The following AGBL4 variants were observed in gnomAD, a reference collection of about 807,000 sequenced individuals.
AGBL4 encodes the protein AGBL carboxypeptidase 4, also known as cytosolic carboxypeptidase 6.
A neutral mutation model predicts 66.4 loss-of-function variants in AGBL4; 58 were observed. The ratio of observed to expected loss-of-function variants is 0.87; its 90% CI spans 0.71 to 1.09. AGBL4 has a LOEUF of 1.09. Ranked by LOEUF, AGBL4 falls within the 50% of genes least tolerant of loss-of-function variation. The probability of loss-of-function intolerance (pLI) is 0.00; values close to 1 mark genes in which losing one functional copy is unlikely to be tolerated. For synonymous variants in AGBL4, 234 were observed against 222.9 expected, an observed-to-expected ratio of 1.05 and a Z score of -0.44; for missense variants, 579 against 631.0, an observed-to-expected ratio of 0.92 and a Z score of 0.88.
intron 1 of AGBL4, among the ~76,000 whole-genome samples, chr1:49,964,202 A>G (rs34584903): frequency 0.32 from 48,811 of 151,948 alleles, 8,550 homozygotes; most frequent in East Asian, 0.73. Context: ...TCTACATATA[A>G]TGTAATGGTG....
chr1:48,714,140 A>G (rs1317876293), intron 6 of AGBL4, among the ~76,000 whole-genome samples: 1 of 152,162 alleles, frequency 6.6e-6, no homozygotes, highest in African/African-American at 2.4e-5. Context: ...CCCTCACTTC[A>G]TAGGCCATCA....
chr1:48,899,093 C>T lies in AGBL4; in HGVS notation c.595-31863G>A, dbSNP rs148993819. 8.5e-4 allele frequency among the ~76,000 whole-genome samples: 130 copies of T among 152,370 alleles called. 2 individuals are homozygous for T. In the South Asian group the frequency reaches 0.018, roughly 21 times the overall value. On this transcript the variant is annotated intron_variant, in intron 5 of 13. Coordinates refer to ENST00000371839, the MANE Select transcript of AGBL4 (RefSeq NM_032785.4). ...TGAGGCGCTCGGCTCAGCCTCCCTG[C>T]AGGCTGGCCTTCCGCACCGTCGTGA... is the stretch of plus-strand genomic sequence containing the variant.
At chr1:49,350,806 CT>C (rs1193579135) in intron 3 of AGBL4, among the ~76,000 whole-genome samples, 2 of 151,944 alleles carry the variant, frequency 1.3e-5, no homozygotes, top group African/African-American at 4.8e-5. Flanking sequence ...ATTCTTATAC[CT>C]TTGTGTTCTC....
At chr1:49,343,653 C>A (rs1044381392) in intron 3 of AGBL4, among the ~76,000 whole-genome samples, 2 of 152,132 alleles carry the variant, frequency 1.3e-5, no homozygotes, top group East Asian at 3.9e-4. Context: ...CCATAGCATT[C>A]CCCTCTTTTT....
intron 10 of AGBL4, among the ~76,000 whole-genome samples, chr1:48,588,358 T>A (rs1032713592): frequency 6.6e-6 from 1 of 152,222 alleles, no homozygotes; most frequent in African/African-American, 2.4e-5. Flanking sequence ...AAAGACATGC[T>A]CTACTACCCA....
intron 3 of AGBL4, among the ~76,000 whole-genome samples, chr1:49,561,413 C>T (rs951641624): frequency 2.0e-5 from 3 of 151,402 alleles, no homozygotes; most frequent in Non-Finnish European, 4.4e-5. Flanking sequence ...CCCATTGACT[C>T]GTCATTTAGC....
chr1:49,220,702 G>C (rs535366105), intron 4 of AGBL4, among the ~76,000 whole-genome samples: 11 of 152,190 alleles, frequency 7.2e-5, no homozygotes, highest in Admixed American at 3.3e-4. Flanking sequence ...AGTTCTCAGA[G>C]AGACCAGTTT....
At chr1:49,891,453 A>G (rs1197597397) in intron 1 of AGBL4, among the ~76,000 whole-genome samples, 3 of 152,172 alleles carry the variant, frequency 2.0e-5, no homozygotes, top group Non-Finnish European at 4.4e-5. Context: ...TGCTAGTGGC[A>G]TCTAGATGGT....
chr1:49,897,204 GA>G (rs1649310620), intron 1 of AGBL4, among the ~76,000 whole-genome samples: 1 of 151,816 alleles, frequency 6.6e-6, no homozygotes, highest in Admixed American at 6.6e-5. Flanking sequence ...ACTTGCACTT[GA>G]AAAAACCTAA....
intron 1 of AGBL4, among the ~76,000 whole-genome samples, chr1:50,018,397 G>A (rs1218560907): frequency 6.6e-6 from 1 of 152,086 alleles, no homozygotes; most frequent in Non-Finnish European, 1.5e-5. Context: ...TATCAATGAA[G>A]TACTGCAAGC....
chr1:49,276,336 A>G (rs1402989524), intron 3 of AGBL4, among the ~76,000 whole-genome samples: 1 of 152,154 alleles, frequency 6.6e-6, no homozygotes, highest in Non-Finnish European at 1.5e-5. Flanking sequence ...TCTCTAAACC[A>G]AAACTCTCCA....
intron 1 of AGBL4, among the ~76,000 whole-genome samples, chr1:49,929,176 G>A (rs1653084229): frequency 6.6e-6 from 1 of 151,952 alleles, no homozygotes; most frequent in Admixed American, 6.6e-5. Context: ...AAGGGGAGGG[G>A]GGCAAAGATT....
intron 2 of AGBL4, among the ~76,000 whole-genome samples, chr1:49,815,876 C>A (rs561287146): frequency 1.1e-4 from 17 of 152,152 alleles, no homozygotes; most frequent in Non-Finnish European, 2.2e-4. Context: ...GGGAAACACT[C>A]ACCTAATTTC....
intron 5 of AGBL4, among the ~76,000 whole-genome samples, chr1:49,020,907 T>C (rs1378035333): frequency 6.6e-6 from 1 of 152,076 alleles, no homozygotes; most frequent in Non-Finnish European, 1.5e-5. Flanking sequence ...TCAACTAGAC[T>C]AATGGCAGGA....
intron 4 of AGBL4, among the ~76,000 whole-genome samples, chr1:49,096,487 C>T (rs1198630723): frequency 2.0e-5 from 3 of 151,694 alleles, no homozygotes; most frequent in African/African-American, 4.8e-5. Context: ...GGCACATATA[C>T]ACCATGGAAT....
At chr1:49,221,746 G>C (rs1218741020) in intron 4 of AGBL4, among the ~76,000 whole-genome samples, 1 of 151,294 alleles carries the variant, frequency 6.6e-6, no homozygotes, top group Non-Finnish European at 1.5e-5. Context: ...ATTTCCTTTT[G>C]TCCTGAAAAG....
At chr1:49,921,865 G>T (rs1403386430) in intron 1 of AGBL4, among the ~76,000 whole-genome samples, 1 of 152,068 alleles carries the variant, frequency 6.6e-6, no homozygotes, top group Non-Finnish European at 1.5e-5. Context: ...GTGAGGGTGG[G>T]TCCTCTCCCT....
At chr1:48,954,723 C>T (rs1004910776) in intron 5 of AGBL4, among the ~76,000 whole-genome samples, 6 of 152,118 alleles carry the variant, frequency 3.9e-5, no homozygotes, top group African/African-American at 1.4e-4. Flanking sequence ...CCTCTGATCC[C>T]ACAGCTTTGT....
intron 4 of AGBL4, among the ~76,000 whole-genome samples, chr1:49,154,174 G>A (rs1646388031): frequency 6.6e-6 from 1 of 152,028 alleles, no homozygotes; most frequent in African/African-American, 2.4e-5. Flanking sequence ...GTTGTCTATG[G>A]GTGAAGGCAG....
Sources: allele counts gnomAD v4.1 joint callset (sites outside exome capture counted in the v4.1 genomes callset), GRCh38; gene constraint gnomAD v4.1.1; transcripts MANE v1.5; gene names NCBI Gene and HGNC (gene_info 2026-07-23, HGNC 2026-07-21).